GAPVD1: variants seen among roughly 807,000 people sequenced by gnomAD.
GAPVD1 encodes GTPase-activating protein and VPS9 domain-containing protein 1.
Under a neutral mutation model 155.5 loss-of-function variants are expected in GAPVD1, and 35 were observed. That is an observed-to-expected ratio of 0.23 (90% confidence interval 0.17 to 0.30). GAPVD1 has a LOEUF of 0.30. Among genes scored for constraint, GAPVD1 ranks in the 10% least tolerant of loss-of-function variants. The pLI is 1.00. For missense variants in GAPVD1, 1,429 were observed against 1,775.7 expected, an observed-to-expected ratio of 0.80 and a Z score of 3.51; for synonymous variants, 636 against 619.7, an observed-to-expected ratio of 1.03 and a Z score of -0.39.
At chr9:125,312,378 A>G (rs1341437997) in intron 8 of GAPVD1, 74 bp from the exon 9 acceptor site, 3 of 938,146 alleles carry the variant, frequency 3.2e-6, no homozygotes, top group Middle Eastern at 2.4e-4. Flanking sequence ...AATAGAAAAT[A>G]TATTCATATT....
chr9:125,284,077 T>C (rs1837231818), intron 2 of GAPVD1, among the ~76,000 whole-genome samples: 1 of 152,006 alleles, frequency 6.6e-6, no homozygotes, highest in South Asian at 2.1e-4. Context: ...GGTTTTGCCA[T>C]GTTGGCCAGG....
intron 2 of GAPVD1, among the ~76,000 whole-genome samples, chr9:125,270,501 C>CA (rs1408877525): frequency 6.6e-6 from 1 of 152,062 alleles, no homozygotes; most frequent in Non-Finnish European, 1.5e-5. Context: ...GGATATGTTT[C>CA]AATATGTATT....
intron 23 of GAPVD1, among the ~76,000 whole-genome samples, chr9:125,351,287 C>T (rs1849258454): frequency 6.6e-6 from 1 of 152,164 alleles, no homozygotes; most frequent in African/African-American, 2.4e-5. Flanking sequence ...CCACTGGGTC[C>T]CTCCCACAAC....
At chr9:125,286,049 C>A (rs1422061879) in intron 2 of GAPVD1, among the ~76,000 whole-genome samples, 1 of 152,026 alleles carries the variant, frequency 6.6e-6, no homozygotes, top group Non-Finnish European at 1.5e-5. Context: ...CTCAAGTGAT[C>A]CACCTGCTTT....
In GAPVD1 at chr9:125,354,792, G is replaced by A. The variant is rs1252941492; in HGVS notation, c.3708G>A (p.Val1236=). The change falls in exon 24 of 28, where the codon GTG becomes GTA. Residue 1236 remains valine (V), a synonymous_variant. Transcript: ENST00000297933. ...VANRYFTTVC[V]RLLLESKEKK... is the part of the protein sequence containing the mutation. ...ATCGATACTTTACCACTGTCTGTGT[G>A]AGATTACTGCTTGAGAGCAAAGAAA... The A allele has an allele frequency of 1.2e-6, 2 of 1,613,926 alleles. No homozygotes were observed. The highest frequency in any genetic ancestry group is 1.3e-5 in the African/African-American group (1 of 74,940).
At chr9:125,313,719 A>G (rs1055462299) in intron 9 of GAPVD1, among the ~76,000 whole-genome samples, 1 of 152,076 alleles carries the variant, frequency 6.6e-6, no homozygotes, top group African/African-American at 2.4e-5. Context: ...CTCCTGCCTC[A>G]GCCTCCTGAG....
intron 2 of GAPVD1, among the ~76,000 whole-genome samples, chr9:125,291,219 G>C (rs1838546918): frequency 6.6e-6 from 1 of 152,026 alleles, no homozygotes; most frequent in Non-Finnish European, 1.5e-5. Context: ...AGCCTGGGAG[G>C]TTGTGGCTAC....
Position 125,350,330 on chromosome 9 carries a change from C to A in GAPVD1, c.3335C>A (p.Ser1112Tyr). Residue 1112 changes from serine (S) to tyrosine (Y), a missense_variant, in exon 22 of 28, where the codon TCT (serine) becomes TAT (tyrosine). Transcript: ENST00000297933. Reference sequence around the variant, plus strand: ...AAGAAACTGAGGCTTGCTCTTTGCTCTGCGGACTCTGTTGCCTTCCCAGTG... The same window carrying A: ...AAGAAACTGAGGCTTGCTCTTTGCTATGCGGACTCTGTTGCCTTCCCAGTG... ...AKKKLRLALC[S>Y]ADSVAFPVLT... is the part of the protein sequence containing the mutation. 1 of 1,592,270 alleles carries A rather than the reference C, an allele frequency of 6.3e-7. No individual in the cohort carries two copies. The highest frequency in any genetic ancestry group is 1.4e-5 in the African/African-American group (1 of 73,406).
In GAPVD1 at chr9:125,337,541, G is replaced by T; in HGVS notation, c.2827G>T (p.Ala943Ser). ...CATTGGTGCTACTTCTTTGGTGGCT[G>T]CACCTCATTCATCATCTTCATCCCC... ...AAIGATSLVA[A>S]PHSSSSSPSK... The change falls in exon 17 of 28, where the codon GCA (alanine) becomes TCA (serine). Residue 943 changes from alanine (A) to serine (S), a missense_variant. Around this residue, in one of 4 missense-constraint regions of GAPVD1, gnomAD observed 699 missense variants for 826.0 expected, o/e 0.85. Transcript: ENST00000297933. 1 of 1,613,894 alleles carries T rather than the reference G, an allele frequency of 6.2e-7. No homozygotes were observed. The highest frequency in any genetic ancestry group is 8.5e-7 in the Non-Finnish European group (1 of 1,179,808).
intron 1 of GAPVD1, 21 bp from the exon 2 acceptor site, chr9:125,268,915 T>C (rs921692999): frequency 6.6e-6 from 1 of 152,134 alleles, no homozygotes; most frequent in Admixed American, 6.6e-5. Context: ...TTTTTTCCTT[T>C]TTCCTTTTTT....
At chr9:125,304,935 G>A (rs1841534857) in intron 5 of GAPVD1, 128 bp from the exon 6 acceptor site, 1 of 529,534 alleles carries the variant, frequency 1.9e-6, no homozygotes, top group African/African-American at 1.9e-5. Context: ...CATATGCCTG[G>A]TCAGGTGATA....
intron 25 of GAPVD1, among the ~76,000 whole-genome samples, chr9:125,358,680 G>A (rs1421044828): frequency 6.6e-6 from 1 of 152,214 alleles, no homozygotes; most frequent in Non-Finnish European, 1.5e-5. Flanking sequence ...GTCTCACAGT[G>A]TTTGGCCCAC....
intron 2 of GAPVD1, among the ~76,000 whole-genome samples, chr9:125,283,872 C>CTT (rs577043296): frequency 6.7e-6 from 1 of 149,208 alleles, no homozygotes; most frequent in African/African-American, 2.5e-5. Flanking sequence ...TTCCTTGAAA[C>CTT]TTTTTTTTTT....
At chr9:125,270,374 A>G (rs183421861) in intron 2 of GAPVD1, among the ~76,000 whole-genome samples, 60 of 152,070 alleles carry the variant, frequency 3.9e-4, no homozygotes, top group African/African-American at 1.3e-3. Context: ...GTTTGCAGTG[A>G]GCTGAGATTG....
At chr9:125,360,799 A>G (rs955437838) in intron 27 of GAPVD1, 74 bp downstream of exon 27, 10 of 1,080,124 alleles carry the variant, frequency 9.3e-6, no homozygotes, top group African/African-American at 7.8e-5. Context: ...TCACACAACC[A>G]TAGATATCTT....
At chr9:125,285,752 C>T (rs780714725) in intron 2 of GAPVD1, among the ~76,000 whole-genome samples, 2 of 151,942 alleles carry the variant, frequency 1.3e-5, no homozygotes, top group African/African-American at 2.4e-5. Context: ...TGAGCCACTG[C>T]ACCTGGCCCA....
intron 19 of GAPVD1, chr9:125,346,567 A>G (rs528486404): frequency 6.4e-5 from 34 of 533,218 alleles, no homozygotes; most frequent in African/African-American, 5.9e-4. Context: ...TCTGCCCTGA[A>G]CTTTGACACT....
Position 125,302,693 on chromosome 9 carries a change from T to G in GAPVD1, c.896T>G (p.Val299Gly). 1 of 1,611,932 alleles carries G rather than the reference T, an allele frequency of 6.2e-7. No individual in the cohort carries two copies. The highest frequency in any genetic ancestry group is 1.1e-5 in the South Asian group (1 of 90,974). ...KTLSCVDRLEVGEVRAMCTDL... is the reference protein window; with the variant it reads ...KTLSCVDRLEGGEVRAMCTDL... ...CTCTCCTGTGTAGATAGGCTGGAAG[T>G]TGGGGAGGTCAGGGCAATGTGTACT... Residue 299 changes from valine to glycine, a missense_variant, in exon 5 of 28, where the codon GTT becomes GGT. Val to Gly is a moderately radical substitution (Grantham distance 109). Coordinates refer to ENST00000297933, the MANE Select transcript of GAPVD1 (RefSeq NM_001282680.3).
chr9:125,355,901 A>T, intron 25 of GAPVD1, 44 bp downstream of exon 25: 2 of 1,065,258 alleles, frequency 1.9e-6, no homozygotes, highest in South Asian at 1.2e-5. Flanking sequence ...CTACATAGGG[A>T]TCTACCAGGT....
Sources: allele counts gnomAD v4.1 joint callset (sites outside exome capture counted in the v4.1 genomes callset), GRCh38; gene constraint gnomAD v4.1.1; regional missense constraint gnomAD v4.1.1; transcripts MANE v1.5; gene names NCBI Gene and HGNC (gene_info 2026-07-23, HGNC 2026-07-21).